TMEM232: variants seen among roughly 807,000 people sequenced by gnomAD.
The protein encoded by TMEM232 is transmembrane protein 232.
Under a neutral mutation model 78.8 loss-of-function variants are expected in TMEM232, and 80 were observed. The ratio of observed to expected loss-of-function variants is 1.01; its 90% CI spans 0.85 to 1.22. The LOEUF (loss-of-function observed/expected upper bound fraction) is 1.22, where lower values mean the gene tolerates loss of function less well. Ranked by LOEUF, TMEM232 falls within the 50% of genes most tolerant of loss-of-function variation. The pLI is 0.00. For synonymous variants in TMEM232, 297 were observed against 254.3 expected (o/e 1.17, Z -1.60); for missense variants, 881 against 742.2 (o/e 1.19, Z -2.17).
chr5:110,423,807 G>GTGTGTA (rs1013967286), intron 13 of TMEM232, among the ~76,000 whole-genome samples: 2 of 150,898 alleles, frequency 1.3e-5, no homozygotes, highest in African/African-American at 2.4e-5. Flanking sequence ...GTGTGTGTGT[G>GTGTGTA]TGTATGTGTA....
chr5:110,666,083 A>G (rs1270069741), intron 2 of TMEM232, among the ~76,000 whole-genome samples: 1 of 152,072 alleles, frequency 6.6e-6, no homozygotes, highest in Non-Finnish European at 1.5e-5. Flanking sequence ...TGTCTCTAAA[A>G]ATAAATTAAT....
intron 12 of TMEM232, among the ~76,000 whole-genome samples, chr5:110,513,022 G>C (rs534833386): frequency 1.7e-3 from 261 of 152,314 alleles, no homozygotes; most frequent in African/African-American, 5.8e-3. Flanking sequence ...GGCAGTGAAA[G>C]TGGAAGCTAA....
At chr5:110,667,150 GA>G in intron 2 of TMEM232, 77 bp downstream of exon 2, 1 of 1,206,852 alleles carries the variant, frequency 8.3e-7, no homozygotes, top group South Asian at 1.7e-5. Context: ...AACTATGGGT[GA>G]ATTTTTTTTT....
chr5:110,425,966 G>GT (rs1398994577), intron 12 of TMEM232, among the ~76,000 whole-genome samples: 4 of 152,038 alleles, frequency 2.6e-5, no homozygotes, highest in Non-Finnish European at 5.9e-5. Flanking sequence ...TGTTAAAGTG[G>GT]TTTTGCCTGG....
At chr5:110,691,638 T>A (rs1794130142) in intron 1 of TMEM232, among the ~76,000 whole-genome samples, 1 of 152,232 alleles carries the variant, frequency 6.6e-6, no homozygotes. Context: ...TTCATCAATG[T>A]TTACTGATTA....
At chr5:110,613,469 A>G (rs1038961028) in intron 8 of TMEM232, among the ~76,000 whole-genome samples, 2 of 152,154 alleles carry the variant, frequency 1.3e-5, no homozygotes, top group African/African-American at 2.4e-5. Flanking sequence ...CATTTGTTCA[A>G]CATTATGTTA....
chr5:110,440,811 A>T (rs1175743091), intron 12 of TMEM232, among the ~76,000 whole-genome samples: 1 of 152,096 alleles, frequency 6.6e-6, no homozygotes, highest in East Asian at 1.9e-4. Context: ...CCTGATTTTC[A>T]GGCGTGTATA....
chr5:110,509,056 GTATATA>G (rs1767372458), intron 12 of TMEM232, among the ~76,000 whole-genome samples: 1 of 144,350 alleles, frequency 6.9e-6, no homozygotes, highest in South Asian at 2.1e-4. Flanking sequence ...GTGTATATAT[GTATATA>G]TAATTATATA....
Position 110,483,919 on chromosome 5 carries a change from T to A in TMEM232, c.1703+44669A>T, listed in dbSNP as rs530040262. On this transcript the variant is annotated intron_variant, in intron 12 of 13. Coordinates refer to ENST00000455884, the MANE Select transcript of TMEM232 (RefSeq NM_001039763.4). ...GGCATGGAATTAACCTAAATGTTCA[T>A]TAACGATGGATTCAGTAAAGAAAGT... Among the ~76,000 whole-genome samples the A allele has an allele frequency of 4.6e-5, 7 of 152,300 alleles. No individual in the cohort carries two copies. In the East Asian group the frequency reaches 1.3e-3, roughly 29 times the overall value.
intron 11 of TMEM232, among the ~76,000 whole-genome samples, chr5:110,530,433 A>G (rs181467279): frequency 8.5e-5 from 13 of 152,366 alleles, no homozygotes; most frequent in Admixed American, 3.3e-4. Context: ...TGCCATGTTT[A>G]TTGCAACATT....
rs1457992891 is a variant in TMEM232 at position 110,431,931 on chromosome 5, A to G, written c.1704-7015T>C. On this transcript the variant is annotated intron_variant, in intron 12 of 13. Transcript: ENST00000455884. ...CATTGTTTGTATAATATAAAAAGAG[A>G]AATGAATCAAATATTTACCAATAGT... Among the ~76,000 whole-genome samples the G allele has an allele frequency of 5.9e-5, 9 of 151,846 alleles. No homozygotes were observed. The East Asian group carries it at 1.4e-3, about 23-fold the overall frequency.
chr5:110,451,290 T>A (rs971396542), intron 12 of TMEM232, among the ~76,000 whole-genome samples: 1 of 152,162 alleles, frequency 6.6e-6, no homozygotes, highest in South Asian at 2.1e-4. Flanking sequence ...GCAAGAATAT[T>A]TTCTTTTATC....
intron 12 of TMEM232, among the ~76,000 whole-genome samples, chr5:110,466,341 A>G (rs1047115445): frequency 6.6e-6 from 1 of 152,186 alleles, no homozygotes; most frequent in African/African-American, 2.4e-5. Context: ...CTCTATAGGC[A>G]ATTCCATGGA....
intron 1 of TMEM232, among the ~76,000 whole-genome samples, chr5:110,703,933 A>G (rs1328954393): frequency 6.6e-6 from 1 of 152,050 alleles, no homozygotes; most frequent in Non-Finnish European, 1.5e-5. Context: ...TTAACCTAAG[A>G]GCAACTCCTT....
At chr5:110,572,734 A>T (rs1777100905) in intron 10 of TMEM232, among the ~76,000 whole-genome samples, 1 of 152,104 alleles carries the variant, frequency 6.6e-6, no homozygotes, top group South Asian at 2.1e-4. Flanking sequence ...CTGTTGATTT[A>T]AACTCAATTG....
At chr5:110,420,857 A>G in intron 13 of TMEM232, 101 bp from the exon 14 acceptor site, 4 of 1,420,056 alleles carry the variant, frequency 2.8e-6, no homozygotes, top group Non-Finnish European at 2.7e-6. Flanking sequence ...TTATCCTTTC[A>G]GGTTTTTTCC....
downstream of TMEM232, among the ~76,000 whole-genome samples, chr5:110,416,571 C>T (rs1756222814): frequency 6.6e-6 from 1 of 152,138 alleles, no homozygotes; most frequent in African/African-American, 2.4e-5. Flanking sequence ...TTCCAATCAG[C>T]TAACTTTGAA....
chr5:110,628,528 A>T (rs957430498), intron 5 of TMEM232, among the ~76,000 whole-genome samples: 1 of 152,116 alleles, frequency 6.6e-6, no homozygotes, highest in African/African-American at 2.4e-5. Flanking sequence ...ACTACATAAA[A>T]TGGAATGTCT....
chr5:110,663,745 ATG>A (rs34518185), intron 2 of TMEM232, among the ~76,000 whole-genome samples: 20,378 of 133,940 alleles, frequency 0.15, 1,510 homozygotes, highest in African/African-American at 0.26. Flanking sequence ...GTGTGTGTGT[ATG>A]TGTGTGTGTG....
Sources: gnomAD v4.1 joint callset for allele counts (sites outside exome capture counted in the v4.1 genomes callset) on GRCh38, gnomAD v4.1.1 for gene constraint, MANE v1.5 for transcripts, NCBI Gene and HGNC (gene_info 2026-07-23, HGNC 2026-07-21) for gene names.